NRXN1: variants seen among roughly 807,000 people sequenced by gnomAD.
NRXN1 encodes neurexin 1.
A neutral mutation model predicts 150.9 loss-of-function variants in NRXN1; 39 were observed. That is an observed-to-expected ratio of 0.26 (90% CI 0.20 to 0.34). The LOEUF (loss-of-function observed/expected upper bound fraction) is 0.34, where lower values mean the gene tolerates loss of function less well. Ranked by LOEUF, NRXN1 falls within the 10% of genes least tolerant of loss-of-function variation. NRXN1 has a pLI of 1.00. For missense variants in NRXN1, 1,815 were observed against 1,949.9 expected (o/e 0.93, Z 1.30); for synonymous variants, 924 against 757.0 (o/e 1.22, Z -3.62).
At chr2:50,464,128 T>G (rs2088554965) in intron 17 of NRXN1, 2 of 151,826 alleles carry the variant, frequency 1.3e-5, no homozygotes, top group African/African-American at 4.8e-5. Flanking sequence ...ATGGCGTTAT[T>G]GTGTTTTAAG....
intron 18 of NRXN1, among the ~76,000 whole-genome samples, chr2:50,176,822 A>G (rs1225525054): frequency 1.3e-4 from 20 of 152,056 alleles, no homozygotes; most frequent in Admixed American, 1.3e-3. Flanking sequence ...TTTAGTTTGT[A>G]ACATTAAGGC....
At chr2:50,546,797 G>A (rs1198166145) in intron 9 of NRXN1, among the ~76,000 whole-genome samples, 1 of 152,128 alleles carries the variant, frequency 6.6e-6, no homozygotes, top group Non-Finnish European at 1.5e-5. Flanking sequence ...TTCCTCTGAT[G>A]AATAGTGGTT....
Position 50,820,284 on chromosome 2 carries a change from C to T in NRXN1, c.832+101585G>A, listed in dbSNP as rs72889455. The stretch of plus-strand genomic sequence containing the variant: ...AGTGTCTATCTTTATTCTCTTTCCC[C>T]ATTAAATCATCTCACTGTTACCTTA... On this transcript the variant is annotated intron_variant, in intron 5 of 22. Coordinates refer to ENST00000401669, the MANE Select transcript of NRXN1 (RefSeq NM_001330078.2). 4.2e-3 allele frequency among the ~76,000 whole-genome samples: 632 copies of T among 152,174 alleles called. 7 individuals are homozygous for T. Among genetic ancestry groups the T allele is most frequent in the African/African-American group, 0.015 (611 of 41,532 alleles).
At chr2:50,940,410 G>C (rs564586974) in intron 2 of NRXN1, among the ~76,000 whole-genome samples, 5 of 151,600 alleles carry the variant, frequency 3.3e-5, no homozygotes, top group African/African-American at 1.2e-4. Context: ...GGGAGGTGGA[G>C]GTTGCAGTGA....
At chr2:50,877,054 T>C (rs1678703400) in intron 5 of NRXN1, among the ~76,000 whole-genome samples, 1 of 151,904 alleles carries the variant, frequency 6.6e-6, no homozygotes, top group Non-Finnish European at 1.5e-5. Flanking sequence ...TTCATTTTAA[T>C]GTTTTACTGT....
chr2:50,585,622 G>A (rs1333979851), intron 8 of NRXN1, among the ~76,000 whole-genome samples: 2 of 152,102 alleles, frequency 1.3e-5, no homozygotes, highest in East Asian at 1.9e-4. Flanking sequence ...ACTTGGCAAA[G>A]TCAATGCACT....
intron 2 of NRXN1, among the ~76,000 whole-genome samples, chr2:50,963,412 G>C (rs1693523097): frequency 6.6e-6 from 1 of 151,392 alleles, no homozygotes; most frequent in Non-Finnish European, 1.5e-5. Flanking sequence ...TGGTCAAATG[G>C]ACAACGAGGA....
chr2:50,169,472 T>A (rs2059890491), intron 18 of NRXN1, among the ~76,000 whole-genome samples: 1 of 152,008 alleles, frequency 6.6e-6, no homozygotes, highest in African/African-American at 2.4e-5. Context: ...CCCAGCACTT[T>A]GGGAGGCCAA....
chr2:50,050,414 A>G (rs773297055), intron 21 of NRXN1, among the ~76,000 whole-genome samples: 18 of 152,062 alleles, frequency 1.2e-4, no homozygotes, highest in Non-Finnish European at 2.4e-4. Flanking sequence ...CCCAAGGTAC[A>G]TTGCCATTGT....
intron 18 of NRXN1, among the ~76,000 whole-genome samples, chr2:50,148,722 T>C (rs748418385): frequency 6.6e-5 from 10 of 151,732 alleles, no homozygotes; most frequent in Non-Finnish European, 1.0e-4. Context: ...TGTCAGAGGA[T>C]AGAAACACAC....
chr2:50,935,445 C>T (rs1688388274), intron 2 of NRXN1, among the ~76,000 whole-genome samples: 2 of 152,058 alleles, frequency 1.3e-5, no homozygotes, highest in South Asian at 4.1e-4. Flanking sequence ...GAAAAATAAT[C>T]CTTAGGCTGG....
At chr2:50,762,243 G>A (rs1051172138) in intron 5 of NRXN1, among the ~76,000 whole-genome samples, 2 of 151,816 alleles carry the variant, frequency 1.3e-5, no homozygotes, top group Non-Finnish European at 2.9e-5. Context: ...CTGGACTCAA[G>A]TGATCCTCCC....
At position 50,460,800 on chromosome 2, in the gene NRXN1, T is replaced by C. The variant is rs184209315; in HGVS notation, c.3364+4642A>G. ...TTTTTTAAGGTGTTTTCAGTAAAGA[T>C]TGCTTATGAATTGCTTTAAACAGCT... is the stretch of plus-strand genomic sequence containing the variant. On this transcript the variant is annotated intron_variant, in intron 17 of 22. Transcript: ENST00000401669. Among the ~76,000 whole-genome samples the C allele has an allele frequency of 3.3e-3, 507 of 152,184 alleles. 2 individuals carry two copies. Among genetic ancestry groups the C allele is most frequent in the African/African-American group, 0.011 (470 of 41,538 alleles).
chr2:50,305,040 AG>A (rs2074493057), intron 17 of NRXN1, among the ~76,000 whole-genome samples: 1 of 152,122 alleles, frequency 6.6e-6, no homozygotes, highest in South Asian at 2.1e-4. Flanking sequence ...TAGTGAGCCA[AG>A]ATTGCTCCAC....
At chr2:50,264,470 A>G (rs2068634632) in intron 17 of NRXN1, among the ~76,000 whole-genome samples, 1 of 152,104 alleles carries the variant, frequency 6.6e-6, no homozygotes, top group Non-Finnish European at 1.5e-5. Context: ...TTACGGTCAG[A>G]TGGGTAGAGA....
chr2:50,153,693 A>C (rs2058838363), intron 18 of NRXN1, among the ~76,000 whole-genome samples: 1 of 151,792 alleles, frequency 6.6e-6, no homozygotes, highest in African/African-American at 2.4e-5. Flanking sequence ...TCTGGCTCCA[A>C]AAAAAGAAAG....
At chr2:50,315,470 T>C (rs2075524594) in intron 17 of NRXN1, among the ~76,000 whole-genome samples, 1 of 152,126 alleles carries the variant, frequency 6.6e-6, no homozygotes, top group South Asian at 2.1e-4. Context: ...TGCTCTTTGC[T>C]CACAGTTACA....
chr2:50,632,303 G>T (rs1204154279), intron 5 of NRXN1: 2 of 151,982 alleles, frequency 1.3e-5, no homozygotes, highest in Admixed American at 1.3e-4. Flanking sequence ...TGGCCATCTT[G>T]TAAGCTGTTC....
chr2:50,472,224 G>C, intron 16 of NRXN1, 74 bp downstream of exon 16: 1 of 1,282,946 alleles, frequency 7.8e-7, no homozygotes, highest in Non-Finnish European at 1.0e-6. Context: ...GAATTTTGCT[G>C]GACAGTGAGA....
Sources: allele counts gnomAD v4.1 joint callset (sites outside exome capture counted in the v4.1 genomes callset), GRCh38; gene constraint gnomAD v4.1.1; transcripts MANE v1.5; gene names NCBI Gene and HGNC (gene_info 2026-07-23, HGNC 2026-07-21).